The following SMYD3 variants were observed in gnomAD, a reference collection of about 807,000 sequenced individuals.
SMYD3 encodes histone-lysine N-methyltransferase SMYD3.
In SMYD3, 36 loss-of-function variants were observed where a neutral mutation model predicts 57.7. The observed-to-expected ratio is 0.62, with a 90% CI of 0.48 to 0.82. The LOEUF (loss-of-function observed/expected upper bound fraction) is 0.82, where lower values mean the gene tolerates loss of function less well. Among genes scored for constraint, SMYD3 ranks in the 40% least tolerant of loss-of-function variants. The pLI, the probability that SMYD3 is intolerant of heterozygous loss-of-function variation, is 0.00. For synonymous variants in SMYD3, 211 were observed against 195.0 expected, an observed-to-expected ratio of 1.08 and a Z score of -0.68; for missense variants, 515 against 538.8, an observed-to-expected ratio of 0.96 and a Z score of 0.44.
intron 1 of SMYD3, among the ~76,000 whole-genome samples, chr1:246,438,245 G>A (rs747305346): frequency 7.9e-5 from 12 of 152,128 alleles, no homozygotes; most frequent in Admixed American, 6.5e-5. Flanking sequence ...ACTCCCTTTT[G>A]CCAAAATATA....
chr1:246,145,665 G>GT lies in SMYD3; in HGVS notation c.531+181535dup, dbSNP rs1255590494. On this transcript the variant is annotated intron_variant, in intron 5 of 11. Transcript: ENST00000490107. ...AGCTGTGTAACATTCAGTAAGTAGC[G>GT]TAAGCCTCTTAAATTGACTTTCCGA... 1.6e-4 allele frequency among the ~76,000 whole-genome samples: 24 copies of GT among 152,258 alleles called. No homozygotes were observed. In the East Asian group the frequency reaches 3.5e-3, roughly 22 times the overall value.
At chr1:246,152,693 C>T (rs1168374246) in intron 5 of SMYD3, among the ~76,000 whole-genome samples, 1 of 152,206 alleles carries the variant, frequency 6.6e-6, no homozygotes, top group Non-Finnish European at 1.5e-5. Flanking sequence ...GATCAGGCTA[C>T]ACTACGTGAG....
intron 5 of SMYD3, among the ~76,000 whole-genome samples, chr1:246,008,706 T>A (rs891287984): frequency 2.6e-5 from 4 of 152,160 alleles, no homozygotes; most frequent in African/African-American, 9.7e-5. Context: ...GCAGTAGTGT[T>A]TGCACACAAA....
chr1:246,447,166 T>C (rs1235340980), intron 1 of SMYD3, among the ~76,000 whole-genome samples: 1 of 152,220 alleles, frequency 6.6e-6, no homozygotes, highest in Admixed American at 6.5e-5. Context: ...AAATGTTAAA[T>C]GTATTGTTAT....
chr1:245,801,294 C>A (rs186251425), intron 10 of SMYD3, among the ~76,000 whole-genome samples: 2 of 152,284 alleles, frequency 1.3e-5, no homozygotes, highest in Non-Finnish European at 2.9e-5. Context: ...AACAGAGTAT[C>A]GGATTTGACA....
chr1:245,800,834 C>G (rs2047824730), intron 10 of SMYD3, among the ~76,000 whole-genome samples: 1 of 152,174 alleles, frequency 6.6e-6, no homozygotes, highest in Non-Finnish European at 1.5e-5. Flanking sequence ...TGACTCTTTT[C>G]TTGGCCAGTG....
At chr1:245,830,472 T>C (rs1243020033) in intron 10 of SMYD3, among the ~76,000 whole-genome samples, 1 of 152,164 alleles carries the variant, frequency 6.6e-6, no homozygotes, top group Non-Finnish European at 1.5e-5. Context: ...GGCCCTGCCC[T>C]TGACATGTGG....
chr1:246,132,019 T>C (rs1035933744), intron 5 of SMYD3, among the ~76,000 whole-genome samples: 1 of 152,094 alleles, frequency 6.6e-6, no homozygotes, highest in Non-Finnish European at 1.5e-5. Flanking sequence ...GAAAAATGAA[T>C]GTTGAAATTC....
At position 246,401,322 on chromosome 1, in the gene SMYD3, C is replaced by A. The variant is rs186702464; in HGVS notation, c.165-46228G>T. Among the ~76,000 whole-genome samples, 1,042 of 152,192 alleles carry A rather than the reference C, an allele frequency of 6.8e-3. 10 individuals are homozygous for A. The highest frequency in any genetic ancestry group is 7.9e-3 in the Non-Finnish European group (540 of 68,020). The stretch of plus-strand genomic sequence containing the variant: ...GACCAGCCTGGGCAACACAGCAAGA[C>A]CCCATCTCTATTTAAACTTTTTTTT... On this transcript the variant is annotated intron_variant, in intron 1 of 11. Coordinates refer to ENST00000490107, the MANE Select transcript of SMYD3 (RefSeq NM_001167740.2).
chr1:245,774,594 T>C lies in SMYD3; in HGVS notation c.1077-10445A>G, dbSNP rs185814239. ...TATATTAAAATATATTGAAAACCACTGAAGTATACACTTTAAATGGATAAA... is the reference window on the plus strand; with the variant it reads ...TATATTAAAATATATTGAAAACCACCGAAGTATACACTTTAAATGGATAAA... On this transcript the variant is annotated intron_variant, in intron 10 of 11. Transcript: ENST00000490107. 1.9e-3 allele frequency among the ~76,000 whole-genome samples: 291 copies of C among 152,320 alleles called. 1 individual carries two copies. In the South Asian group the frequency reaches 0.021, roughly 11 times the overall value.
intron 1 of SMYD3, among the ~76,000 whole-genome samples, chr1:246,412,928 G>A (rs1385691673): frequency 6.6e-6 from 1 of 151,646 alleles, no homozygotes; most frequent in Non-Finnish European, 1.5e-5. Context: ...TTTAAATGTT[G>A]GTATGTACCA....
intron 5 of SMYD3, among the ~76,000 whole-genome samples, chr1:246,013,582 TG>T (rs2059324827): frequency 1.3e-5 from 2 of 152,216 alleles, no homozygotes; most frequent in Non-Finnish European, 2.9e-5. Context: ...GAATCTGTGG[TG>T]TTTTTTTAAA....
At chr1:245,749,720 T>G in intron 11 of SMYD3, 56 bp from the exon 12 acceptor site, 2 of 1,376,028 alleles carry the variant, frequency 1.5e-6, no homozygotes, top group Non-Finnish European at 2.1e-6. Context: ...GCTCAGGCCA[T>G]TCCCCACCTT....
chr1:245,847,635 C>G (rs1222297573), intron 10 of SMYD3, among the ~76,000 whole-genome samples: 1 of 152,142 alleles, frequency 6.6e-6, no homozygotes, highest in African/African-American at 2.4e-5. Context: ...AAGAGAGCAG[C>G]TTGGTAGCTG....
intron 10 of SMYD3, among the ~76,000 whole-genome samples, chr1:245,798,426 CCACACACATA>C (rs1244925448): frequency 2.2e-4 from 1 of 4,502 alleles, no homozygotes; most frequent in African/African-American, 1.6e-3. Context: ...ATACACACCC[CCACACACATA>C]CACACACATA....
At chr1:245,989,311 G>A (rs1417043842) in intron 5 of SMYD3, among the ~76,000 whole-genome samples, 1 of 54,482 alleles carries the variant, frequency 1.8e-5, no homozygotes, top group Non-Finnish European at 7.4e-5. Context: ...CCATCTTCCT[G>A]TGCACTCCCC....
intron 1 of SMYD3, among the ~76,000 whole-genome samples, chr1:246,417,693 G>A (rs2067083698): frequency 6.6e-6 from 1 of 152,146 alleles, no homozygotes; most frequent in African/African-American, 2.4e-5. Flanking sequence ...CTCAAATCTT[G>A]TGACCTCCAG....
chr1:245,941,241 A>G (rs2057232375), intron 5 of SMYD3, among the ~76,000 whole-genome samples: 1 of 152,138 alleles, frequency 6.6e-6, no homozygotes, highest in Admixed American at 6.5e-5. Context: ...GGAAAACATA[A>G]CTCAAGGTAT....
At chr1:245,802,589 T>G (rs867652880) in intron 10 of SMYD3, among the ~76,000 whole-genome samples, 15 of 152,322 alleles carry the variant, frequency 9.8e-5, no homozygotes, top group African/African-American at 3.6e-4. Context: ...TACCCCTGGT[T>G]AGTGGCTTCA....
Sources: allele counts gnomAD v4.1 joint callset (sites outside exome capture counted in the v4.1 genomes callset), GRCh38; gene constraint gnomAD v4.1.1; transcripts MANE v1.5; gene names NCBI Gene and HGNC (gene_info 2026-07-23, HGNC 2026-07-21).